The following ENO2 variants were observed in gnomAD, a reference collection of about 807,000 sequenced individuals.
The protein encoded by ENO2 is gamma-enolase.
Under a neutral mutation model 48.7 loss-of-function variants are expected in ENO2, and 19 were observed. The observed-to-expected ratio is 0.39, with a 90% CI of 0.27 to 0.57. ENO2 has a LOEUF of 0.57. Among genes scored for constraint, ENO2 ranks in the 20% least tolerant of loss-of-function variants. ENO2 has a pLI of 0.58. For synonymous variants in ENO2, 198 were observed against 213.4 expected (o/e 0.93, Z 0.63); for missense variants, 416 against 555.0 (o/e 0.75, Z 2.52).
intron 9 of ENO2, 45 bp downstream of exon 9, chr12:6,921,827 A>G: frequency 1.9e-6 from 3 of 1,605,780 alleles, no homozygotes; most frequent in Non-Finnish European, 2.6e-6. Flanking sequence ...CGTTTCTATA[A>G]GACTCCTTTT....
chr12:6,917,757 GGGA>G, intron 6 of ENO2, 43 bp downstream of exon 6: 2 of 1,570,344 alleles, frequency 1.3e-6, no homozygotes, highest in Non-Finnish European at 1.7e-6. Flanking sequence ...GGGCGGGTGG[GGGA>G]GGGAGCATGC....
chr12:6,915,755 A>AAT, intron 1 of ENO2, 66 bp from the exon 2 acceptor site: 3 of 577,292 alleles, frequency 5.2e-6, no homozygotes, highest in Non-Finnish European at 7.5e-6. Context: ...CGCCCCGCCC[A>AAT]TTGATCTCAG....
Position 6,917,098 on chromosome 12 carries a change from G to C in ENO2, c.301G>C (p.Glu101Gln). 1 of 1,614,164 alleles carries C rather than the reference G, an allele frequency of 6.2e-7. No individual in the cohort carries two copies. Among genetic ancestry groups the C allele is most frequent in the South Asian group, 1.1e-5 (1 of 91,088 alleles). Residue 101 changes from glutamate to glutamine, a missense_variant, in exon 5 of 12, where the codon GAG (glutamate) becomes CAG (glutamine). Coordinates refer to ENST00000229277, the MANE Select transcript of ENO2 (RefSeq NM_001975.3). ...CCTGATGCTGGAGTTGGATGGGACT[G>C]AGAACAAATGTGAGCCGGGGCCGGG... Reference protein sequence around the residue: ...DNLMLELDGTENKSKFGANAI... With the variant: ...DNLMLELDGTQNKSKFGANAI...
Position 6,919,689 on chromosome 12 carries a change from C to T in ENO2, c.791C>T (p.Pro264Leu), listed in dbSNP as rs1555141934. ...DGKYDLDFKS[P>L]TDPSRYITGD... ...AAATATGACTTGGACTTCAAGTCTC[C>T]CACTGATCCTTCCCGATACATCACT... Residue 264 changes from proline (P) to leucine (L), a missense_variant, in exon 8 of 12, where the codon CCC becomes CTC. Pro to Leu is a moderately conservative substitution (Grantham distance 98). Coordinates refer to ENST00000229277, the MANE Select transcript of ENO2 (RefSeq NM_001975.3). 6.2e-7 allele frequency: 1 copy of T among 1,613,976 alleles called. No homozygotes were observed. Among genetic ancestry groups the T allele is most frequent in the Non-Finnish European group, 8.5e-7 (1 of 1,180,028 alleles).
At position 6,923,044 on chromosome 12, in the gene ENO2, C is replaced by T; in HGVS notation, c.*244C>T. The T allele has an allele frequency of 4.0e-6, 2 of 494,036 alleles. No homozygotes were observed. The highest frequency in any genetic ancestry group is 6.8e-5 in the East Asian group (2 of 29,538). The allele number at this position is 494,036 out of a possible 1,614,324, so 30.6% of individuals were successfully genotyped here. A position where few individuals can be genotyped will look rare whatever the true frequency, so the allele number is the denominator to read the frequency against. ...CTTCTTCCTTTCTCTTTCTCTCTTC[C>T]CTCAGAAACTAGAAATGTGAATGAG... On this transcript the variant is annotated 3_prime_UTR_variant, in exon 12 of 12. Coordinates refer to ENST00000229277, the MANE Select transcript of ENO2 (RefSeq NM_001975.3).
chr12:6,917,407 C>G, intron 5 of ENO2, 174 bp from the exon 6 acceptor site: 4 of 904,458 alleles, frequency 4.4e-6, no homozygotes, highest in Non-Finnish European at 6.5e-6. Flanking sequence ...TCCTCCCCAC[C>G]CATTCCTCTC....
intron 9 of ENO2, 104 bp from the exon 10 acceptor site, chr12:6,921,952 C>G: frequency 5.8e-6 from 9 of 1,542,698 alleles, no homozygotes; most frequent in Non-Finnish European, 7.2e-6. Flanking sequence ...GCTCCCCTCC[C>G]AGATAGCTTT....
At chr12:6,915,991 G>A (rs11064462) in intron 2 of ENO2, 74 bp downstream of exon 2, 60,324 of 1,549,376 alleles carry the variant, frequency 0.039, 1,355 homozygotes, top group Non-Finnish European at 0.044. Flanking sequence ...CAGGGGTTCG[G>A]AGGCCTTTTT....
Position 6,916,336 on chromosome 12 carries a change from G to C in ENO2, c.86-81G>C. ...GGAGAGAGCTAGATGTGGTAGGCAG[G>C]CAGTTTAGAGCCAGAAGGCTGAAGG... On this transcript the variant is annotated intron_variant, in intron 2 of 11. Coordinates refer to ENST00000229277, the MANE Select transcript of ENO2 (RefSeq NM_001975.3). This position sits in a 1 kb window ranked among gnomAD's most constrained non-coding sequence, Gnocchi z 4.5. 1 of 1,331,604 alleles carries C rather than the reference G, an allele frequency of 7.5e-7. No homozygotes were observed. The highest frequency in any genetic ancestry group is 1.0e-6 in the Non-Finnish European group (1 of 963,620). 82.5% of individuals were successfully genotyped at this position (1,331,604 alleles called of 1,614,324 possible). A position where few individuals can be genotyped will look rare whatever the true frequency, so the allele number is the denominator to read the frequency against.
rs782677473 is a variant in ENO2, at chr12:6,923,035, T to C, written c.*235T>C. ...CACTTTCCACTTCTTCCTTTCTCTT[T>C]CTCTCTTCCCTCAGAAACTAGAAAT... On this transcript the variant is annotated 3_prime_UTR_variant, in exon 12 of 12. Transcript: ENST00000229277. The C allele has an allele frequency of 1.4e-4, 72 of 510,404 alleles. 2 individuals are homozygous for C. In the South Asian group the frequency reaches 1.8e-3, roughly 12 times the overall value. 31.6% of individuals were successfully genotyped at this position (510,404 alleles called of 1,614,324 possible). A position where few individuals can be genotyped will look rare whatever the true frequency, so the allele number is the denominator to read the frequency against.
chr12:6,920,380 G>GT, intron 8 of ENO2, among the ~76,000 whole-genome samples: 1 of 131,128 alleles, frequency 7.6e-6, no homozygotes, highest in African/African-American at 2.8e-5. Flanking sequence ...TTTGGGGGGG[G>GT]GGTGGGGTTG....
At chr12:6,918,414 G>C (rs1259837498) in intron 7 of ENO2, among the ~76,000 whole-genome samples, 2 of 150,484 alleles carry the variant, frequency 1.3e-5, no homozygotes, top group Admixed American at 6.6e-5. Flanking sequence ...GCAGTGGCTC[G>C]ATCTCAGCTC....
At position 6,921,562 on chromosome 12, in the gene ENO2, C is replaced by T; in HGVS notation, c.866-19C>T. On this transcript the variant is annotated intron_variant, in intron 8 of 11. Coordinates refer to ENST00000229277, the MANE Select transcript of ENO2 (RefSeq NM_001975.3). Reference sequence around the variant, plus strand: ...GGAAGATGAACACCTCCCCCCTCCCCACCATGCTCTCTCTGCAGTGGTCTC... The same window carrying T: ...GGAAGATGAACACCTCCCCCCTCCCTACCATGCTCTCTCTGCAGTGGTCTC... The T allele has an allele frequency of 6.2e-7, 1 of 1,613,560 alleles. No individual in the cohort carries two copies. The highest frequency in any genetic ancestry group is 8.5e-7 in the Non-Finnish European group (1 of 1,179,524).
chr12:6,917,382 C>A, intron 5 of ENO2, 199 bp from the exon 6 acceptor site: 1 of 765,864 alleles, frequency 1.3e-6, no homozygotes, highest in Non-Finnish European at 2.0e-6. Flanking sequence ...TGGCTCTCTG[C>A]CGTTTCCAAT....
chr12:6,917,762 G>C, intron 6 of ENO2, 48 bp downstream of exon 6: 1 of 1,570,982 alleles, frequency 6.4e-7, no homozygotes, highest in Non-Finnish European at 8.7e-7. Flanking sequence ...GGTGGGGGAG[G>C]GAGCATGCAA....
At chr12:6,915,575 G>C (rs1457319545) in intron 1 of ENO2, 7 of 510,770 alleles carry the variant, frequency 1.4e-5, no homozygotes, top group African/African-American at 1.9e-5. Flanking sequence ...CTCATCATTT[G>C]ATCTTACCCC....
In ENO2 at chr12:6,922,119, G is replaced by A. The variant is rs1945346583; in HGVS notation, c.1131G>A (p.Glu377=). The change falls in exon 10 of 12, where the codon GAG becomes GAA. Residue 377 remains glutamate, a synonymous_variant. Transcript: ENST00000229277. The surrounding 1 kb of genome is among the most constrained non-coding windows in gnomAD (Gnocchi z 5.3). Reference sequence around the variant, plus strand: ...TGAGTCATCGCTCAGGAGAGACTGAGGACACATTCATTGCTGACCTGGTGG... The same window carrying A: ...TGAGTCATCGCTCAGGAGAGACTGAAGACACATTCATTGCTGACCTGGTGG... ...VMVSHRSGET[E]DTFIADLVVG... 6.2e-7 allele frequency: 1 copy of A among 1,614,042 alleles called. No individual in the cohort carries two copies. Among genetic ancestry groups the A allele is most frequent in the Non-Finnish European group, 8.5e-7 (1 of 1,180,036 alleles).
intron 8 of ENO2, among the ~76,000 whole-genome samples, chr12:6,920,163 G>A (rs1041812489): frequency 1.1e-4 from 16 of 152,046 alleles, no homozygotes; most frequent in Non-Finnish European, 7.4e-5. Context: ...GAAGGCTGAG[G>A]GGGACTGAAT....
chr12:6,917,846 G>A (rs1009208738), intron 6 of ENO2, 94 bp from the exon 7 acceptor site: 56 of 1,581,880 alleles, frequency 3.5e-5, no homozygotes, highest in South Asian at 2.6e-4. Context: ...GACTTAGTCC[G>A]GAAAGCTGGG....
Sources: gnomAD v4.1 joint callset for allele counts (sites outside exome capture counted in the v4.1 genomes callset) on GRCh38, gnomAD v4.1.1 for gene constraint, Gnocchi (gnomAD v3.1) non-coding constraint, MANE v1.5 for transcripts, NCBI Gene and HGNC (gene_info 2026-07-23, HGNC 2026-07-21) for gene names.